Variants in NUBPL observed in about 807,000 individuals in gnomAD.
NUBPL encodes iron-sulfur cluster transfer protein NUBPL.
A neutral mutation model predicts 45.7 loss-of-function variants in NUBPL; 31 were observed. The ratio of observed to expected loss-of-function variants is 0.68; its 90% CI spans 0.51 to 0.92. The LOEUF (loss-of-function observed/expected upper bound fraction) is 0.92. NUBPL is among the 40% of genes least tolerant of loss of function. The pLI, the probability that NUBPL is intolerant of heterozygous loss-of-function variation, is 0.00. For missense variants in NUBPL, 401 were observed against 398.7 expected, an observed-to-expected ratio of 1.01 and a Z score of -0.05; for synonymous variants, 144 against 140.9, an observed-to-expected ratio of 1.02 and a Z score of -0.15.
At chr14:31,784,660 A>T (rs1030235687) in intron 6 of NUBPL, among the ~76,000 whole-genome samples, 1 of 152,136 alleles carries the variant, frequency 6.6e-6, no homozygotes, top group Admixed American at 6.5e-5. Flanking sequence ...GATGGAGGTC[A>T]TGGGTAGTCT....
intron 4 of NUBPL, among the ~76,000 whole-genome samples, chr14:31,628,423 G>T (rs1306736788): frequency 6.6e-6 from 1 of 152,070 alleles, no homozygotes; most frequent in African/African-American, 2.4e-5. Flanking sequence ...TGTTAATACT[G>T]TATTATTACT....
chr14:31,786,641 G>C (rs549317492), intron 6 of NUBPL, among the ~76,000 whole-genome samples: 2 of 152,270 alleles, frequency 1.3e-5, no homozygotes, highest in South Asian at 4.1e-4. Flanking sequence ...ATACATAGTA[G>C]GTATTCAGTA....
rs1029728733 is a variant in NUBPL, at chr14:31,561,771, GT to G, written c.108+226del. The G allele has an allele frequency of 6.9e-6, 4 of 582,006 alleles. No individual in the cohort carries two copies. The African/African-American group carries it at 7.5e-5, about 11-fold the overall frequency. The allele number at this position is 582,006 out of a possible 1,614,324, so 36.1% of individuals were successfully genotyped here. On this transcript the variant is annotated intron_variant, in intron 1 of 10. Coordinates refer to ENST00000281081, the MANE Select transcript of NUBPL (RefSeq NM_025152.3). ...TTCTACATTGCTTTCTTGGCTTTGG[GT>G]TATTTATCAAATAGATTGAAGAAAA... is the stretch of plus-strand genomic sequence containing the variant.
intron 6 of NUBPL, among the ~76,000 whole-genome samples, chr14:31,677,462 T>C (rs541861848): frequency 6.6e-6 from 1 of 152,224 alleles, no homozygotes; most frequent in Non-Finnish European, 1.5e-5. Context: ...GTCTGGCTTA[T>C]TTCAGATATT....
intron 4 of NUBPL, among the ~76,000 whole-genome samples, chr14:31,647,535 G>T (rs1006457602): frequency 6.6e-6 from 1 of 152,196 alleles, no homozygotes; most frequent in Non-Finnish European, 1.5e-5. Context: ...TTGGAAGGCT[G>T]GCTAGGGGTT....
At chr14:31,804,314 G>A (rs898592512) in intron 7 of NUBPL, among the ~76,000 whole-genome samples, 1 of 152,088 alleles carries the variant, frequency 6.6e-6, no homozygotes, top group African/African-American at 2.4e-5. Context: ...AGAAGTAATA[G>A]GTAGATGTTA....
At chr14:31,607,655 T>C (rs1311551184) in intron 4 of NUBPL, among the ~76,000 whole-genome samples, 1 of 151,838 alleles carries the variant, frequency 6.6e-6, no homozygotes, top group Non-Finnish European at 1.5e-5. Context: ...ATTAGTGAAC[T>C]TGAAGACAGA....
chr14:31,859,024 A>G (rs1210996500), intron 10 of NUBPL, 94 bp from the exon 11 acceptor site: 3 of 1,054,878 alleles, frequency 2.8e-6, no homozygotes, highest in Admixed American at 1.8e-5. Flanking sequence ...CCTTTTTACT[A>G]TCAAATACAG....
intron 6 of NUBPL, among the ~76,000 whole-genome samples, chr14:31,766,634 A>G (rs370513632): frequency 7.2e-5 from 11 of 152,332 alleles, no homozygotes; most frequent in African/African-American, 2.2e-4. Flanking sequence ...ATCGCCATTG[A>G]CTTATCAGCC....
chr14:31,830,930 C>T (rs1314384009), intron 8 of NUBPL, among the ~76,000 whole-genome samples: 2 of 152,138 alleles, frequency 1.3e-5, no homozygotes, highest in Non-Finnish European at 2.9e-5. Flanking sequence ...TGCTTTTTTC[C>T]TACTGGAGAA....
chr14:31,773,285 T>C (rs2039041739), intron 6 of NUBPL, among the ~76,000 whole-genome samples: 1 of 152,170 alleles, frequency 6.6e-6, no homozygotes, highest in African/African-American at 2.4e-5. Flanking sequence ...TAGATTTATG[T>C]TGTACATAAA....
chr14:31,580,189 T>C (rs1438293104), intron 3 of NUBPL, among the ~76,000 whole-genome samples: 1 of 152,238 alleles, frequency 6.6e-6, no homozygotes, highest in Non-Finnish European at 1.5e-5. Context: ...GTGCTCTTTT[T>C]AGTCCTAGAG....
intron 6 of NUBPL, among the ~76,000 whole-genome samples, chr14:31,776,333 A>G (rs1440486792): frequency 6.6e-6 from 1 of 152,206 alleles, no homozygotes; most frequent in East Asian, 1.9e-4. Flanking sequence ...AGAGAACTGG[A>G]ACTGTCACCA....
At chr14:31,706,534 G>A (rs1299848594) in intron 6 of NUBPL, among the ~76,000 whole-genome samples, 7 of 152,064 alleles carry the variant, frequency 4.6e-5, no homozygotes, top group East Asian at 3.9e-4. Flanking sequence ...TTTGAAAGGC[G>A]TTGTCTGATT....
chr14:31,592,613 TA>T (rs74266235), intron 3 of NUBPL, among the ~76,000 whole-genome samples: 8,320 of 151,806 alleles, frequency 0.055, 630 homozygotes, highest in African/African-American at 0.17. Context: ...TATGTTTTTT[TA>T]AAAAAAAATC....
intron 4 of NUBPL, among the ~76,000 whole-genome samples, chr14:31,646,694 T>C (rs530012839): frequency 8.5e-5 from 13 of 152,228 alleles, no homozygotes; most frequent in African/African-American, 3.1e-4. Context: ...GGGTAGTCTT[T>C]TTTGGGTTGA....
intron 6 of NUBPL, among the ~76,000 whole-genome samples, chr14:31,680,862 T>C (rs2036816264): frequency 6.6e-6 from 1 of 152,096 alleles, no homozygotes; most frequent in Non-Finnish European, 1.5e-5. Context: ...TTTCTGAATA[T>C]TTTTGATCTG....
chr14:31,561,614 C>T (rs1007736995), intron 1 of NUBPL, 67 bp downstream of exon 1: 19 of 1,048,780 alleles, frequency 1.8e-5, no homozygotes, highest in Non-Finnish European at 2.3e-5. Flanking sequence ...CGCAGATGCC[C>T]TGGCATTGCT....
intron 6 of NUBPL, among the ~76,000 whole-genome samples, chr14:31,779,158 A>G (rs569295948): frequency 6.6e-6 from 1 of 152,140 alleles, no homozygotes; most frequent in East Asian, 1.9e-4. Context: ...CCTGACCAAC[A>G]TGGAGAAACC....
Sources: gnomAD v4.1 joint callset for allele counts (sites outside exome capture counted in the v4.1 genomes callset) on GRCh38, gnomAD v4.1.1 for gene constraint, MANE v1.5 for transcripts, NCBI Gene and HGNC (gene_info 2026-07-23, HGNC 2026-07-21) for gene names.